The following VDAC1 variants were observed in gnomAD, a reference collection of about 807,000 sequenced individuals.
VDAC1 encodes the protein non-selective voltage-gated ion channel VDAC1.
In VDAC1, 10 loss-of-function variants were observed where a neutral mutation model predicts 34.7. The ratio of observed to expected loss-of-function variants is 0.29; its 90% CI spans 0.18 to 0.49. VDAC1 has a LOEUF of 0.49. Ranked by LOEUF, VDAC1 falls within the 20% of genes least tolerant of loss-of-function variation. The probability of loss-of-function intolerance (pLI) is 0.99; values close to 1 mark genes in which losing one functional copy is unlikely to be tolerated. For synonymous variants in VDAC1, 130 were observed against 136.0 expected (o/e 0.96, Z 0.30); for missense variants, 230 against 347.9 (o/e 0.66, Z 2.69).
At chr5:134,071,646 GTGTCTTGAAAGAAA>G in the VDAC1 span, among the ~76,000 whole-genome samples, 1 of 152,258 alleles carries the variant, frequency 6.6e-6, no homozygotes, top group Non-Finnish European at 1.5e-5. This position sits in a 1 kb window ranked among gnomAD's most constrained non-coding sequence, Gnocchi z 4.1. Context: ...TGAGGGGTGA[GTGTCTTGAAAGAAA>G]TGAGAAGTTA....
the VDAC1 span, among the ~76,000 whole-genome samples, chr5:134,030,799 T>A: frequency 1.3e-5 from 2 of 152,016 alleles, no homozygotes; most frequent in African/African-American, 4.8e-5. Flanking sequence ...TAGGGGTTTT[T>A]TAGGGGTTTT....
At chr5:134,071,480 C>T in the VDAC1 span, among the ~76,000 whole-genome samples, 1 of 152,220 alleles carries the variant, frequency 6.6e-6, no homozygotes, top group African/African-American at 2.4e-5. The surrounding 1 kb of genome is among the most constrained non-coding windows in gnomAD (Gnocchi z 4.1). Context: ...CCCTGTCATT[C>T]CCACCTAGAG....
chr5:134,047,959 C>T, the VDAC1 span, among the ~76,000 whole-genome samples: 1 of 151,076 alleles, frequency 6.6e-6, no homozygotes, highest in Non-Finnish European at 1.5e-5. Flanking sequence ...TGACAAGCTC[C>T]GCCTCCCGGG....
chr5:133,999,843 T>G (rs1753472903), intron 1 of VDAC1, among the ~76,000 whole-genome samples: 1 of 152,216 alleles, frequency 6.6e-6, no homozygotes, highest in East Asian at 1.9e-4. Flanking sequence ...ATCATCATCA[T>G]TGCCATCATC....
the VDAC1 span, among the ~76,000 whole-genome samples, chr5:134,055,588 G>GTTTTTTTTTTTTTTTTTTTTTT: frequency 3.0e-4 from 18 of 59,616 alleles, no homozygotes; most frequent in East Asian, 2.1e-3. Context: ...CCCCGCTAAT[G>GTTTTTTTTTTTTTTTTTTTTTT]TTTTTTTTTT....
chr5:134,023,272 C>T, the VDAC1 span, among the ~76,000 whole-genome samples: 1 of 151,812 alleles, frequency 6.6e-6, no homozygotes, highest in African/African-American at 2.4e-5. Context: ...GGGAGTTGAA[C>T]AATAGGAACA....
chr5:134,075,954 ACT>A, the VDAC1 span, among the ~76,000 whole-genome samples: 2 of 150,674 alleles, frequency 1.3e-5, no homozygotes, highest in Non-Finnish European at 3.0e-5. Flanking sequence ...AGCTTGCAAC[ACT>A]CTCTCTCAAA....
rs775699679 is a variant in VDAC1, at chr5:133,991,038, G to T, written c.234C>A (p.Asp78Glu). The change falls in exon 4 of 9, where the codon GAC (aspartate) becomes GAA (glutamate). Residue 78 changes from aspartate to glutamate, a missense_variant. Asp to Glu is a conservative substitution (Grantham distance 45). Coordinates refer to ENST00000265333, the MANE Select transcript of VDAC1 (RefSeq NM_003374.3). ...CAGTAATCTCGGTGCCTAGTGTATTGTCGGTATTCCATTTCTCTGTAAACG... is the reference window on the plus strand; with the variant it reads ...CAGTAATCTCGGTGCCTAGTGTATTTTCGGTATTCCATTTCTCTGTAAACG... ...GLTFTEKWNT[D>E]NTLGTEITVE... The T allele has an allele frequency of 6.2e-7, 1 of 1,614,134 alleles. No homozygotes were observed. The highest frequency in any genetic ancestry group is 1.1e-5 in the South Asian group (1 of 91,076).
chr5:133,997,533 A>G (rs1218352693), intron 1 of VDAC1, among the ~76,000 whole-genome samples: 2 of 150,122 alleles, frequency 1.3e-5, no homozygotes, highest in Non-Finnish European at 3.0e-5. Context: ...CCCCGTCTCT[A>G]CTAAAAATAA....
At chr5:134,036,223 CA>C in the VDAC1 span, among the ~76,000 whole-genome samples, 2 of 151,980 alleles carry the variant, frequency 1.3e-5, no homozygotes, top group Non-Finnish European at 2.9e-5. Context: ...CCACCTTAAC[CA>C]AGTGATCAAA....
chr5:134,012,455 T>A, the VDAC1 span, among the ~76,000 whole-genome samples: 1 of 152,218 alleles, frequency 6.6e-6, no homozygotes, highest in Non-Finnish European at 1.5e-5. Context: ...AAAATTGATA[T>A]GTTGAAATCC....
upstream of VDAC1, among the ~76,000 whole-genome samples, chr5:134,007,432 C>A (rs1753774536): frequency 6.6e-6 from 1 of 152,108 alleles, no homozygotes; most frequent in Non-Finnish European, 1.5e-5. Context: ...AAGTTCCCGT[C>A]TCAAGAAATA....
upstream of VDAC1, among the ~76,000 whole-genome samples, chr5:134,007,481 C>T (rs929886483): frequency 6.6e-6 from 1 of 152,144 alleles, no homozygotes; most frequent in African/African-American, 2.4e-5. Flanking sequence ...CAGCTGAGAT[C>T]TGCAGGTGCC....
chr5:134,091,651 A>T, the VDAC1 span, among the ~76,000 whole-genome samples: 1 of 151,916 alleles, frequency 6.6e-6, no homozygotes, highest in Non-Finnish European at 1.5e-5. Context: ...CCTGCTGGAA[A>T]CACAGGTACA....
At chr5:134,102,101 A>G in the VDAC1 span, among the ~76,000 whole-genome samples, 17,453 of 152,096 alleles carry the variant, frequency 0.11, 1,321 homozygotes, top group East Asian at 0.38. Flanking sequence ...CCGGGTCCAA[A>G]CATCACCCTG....
chr5:133,992,400 G>A, intron 2 of VDAC1, 45 bp from the exon 3 acceptor site: 1 of 1,463,996 alleles, frequency 6.8e-7, no homozygotes, highest in South Asian at 1.3e-5. Context: ...AATAACTAGA[G>A]AACAGCACCT....
chr5:134,045,903 T>C, the VDAC1 span, among the ~76,000 whole-genome samples: 1 of 151,990 alleles, frequency 6.6e-6, no homozygotes, highest in Non-Finnish European at 1.5e-5. Context: ...CAGGCTGGTC[T>C]CGAACTCCCG....
chr5:134,032,113 A>G, the VDAC1 span, among the ~76,000 whole-genome samples: 1 of 132,084 alleles, frequency 7.6e-6, no homozygotes. Flanking sequence ...ACAGAGCGAG[A>G]CTCTGCCTCA....
the VDAC1 span, among the ~76,000 whole-genome samples, chr5:134,083,046 C>T: frequency 1.3e-5 from 2 of 152,112 alleles, no homozygotes; most frequent in Non-Finnish European, 2.9e-5. Flanking sequence ...AATATGGTAA[C>T]CTTGCAATGG....
Sources: gnomAD v4.1 joint callset for allele counts (sites outside exome capture counted in the v4.1 genomes callset) on GRCh38, gnomAD v4.1.1 for gene constraint, Gnocchi (gnomAD v3.1) non-coding constraint, MANE v1.5 for transcripts, NCBI Gene and HGNC (gene_info 2026-07-23, HGNC 2026-07-21) for gene names.